Variants in ABCC2 observed in about 807,000 individuals in gnomAD.
ABCC2 encodes the protein ATP-binding cassette sub-family C member 2.
ABCC2 carries 157 observed loss-of-function variants against 173.4 expected under a neutral mutation model. The observed-to-expected ratio is 0.91, with a 90% CI of 0.80 to 1.03. The LOEUF (loss-of-function observed/expected upper bound fraction) is 1.03, where lower values mean the gene tolerates loss of function less well. Ranked by LOEUF, ABCC2 falls within the 50% of genes least tolerant of loss-of-function variation. ABCC2 has a pLI of 0.00. For missense variants in ABCC2, 1,822 were observed against 1,852.3 expected (o/e 0.98, Z 0.30); for synonymous variants, 657 against 693.5 (o/e 0.95, Z 0.83).
At chr10:99,789,829 T>G (rs7899883) in intron 2 of ABCC2, among the ~76,000 whole-genome samples, 87,958 of 151,752 alleles carry the variant, frequency 0.58, 25,783 homozygotes, top group East Asian at 0.77. Context: ...CTAGGTAGAA[T>G]ATCTTAGAGA....
rs991704017 is a variant in ABCC2, at chr10:99,793,941, G to A, written c.518G>A (p.Gly173Glu). ...TCCTGCCTGTTCTTCATCTCCTACGGATTCCAGATCCTGATCCTGATCTTT... is the reference window on the plus strand; with the variant it reads ...TCCTGCCTGTTCTTCATCTCCTACGAATTCCAGATCCTGATCCTGATCTTT... ...AYSCLFFISY[G>E]FQILILIFSA... Residue 173 changes from glycine (G) to glutamate (E), a missense_variant, in exon 5 of 32, where the codon GGA (glycine) becomes GAA (glutamate). Transcript: ENST00000647814. The A allele has an allele frequency of 6.2e-7, 1 of 1,613,858 alleles. No homozygotes were observed. Among genetic ancestry groups the A allele is most frequent in the Non-Finnish European group, 8.5e-7 (1 of 1,179,934 alleles).
At chr10:99,846,616 C>T (rs2039020802) in intron 29 of ABCC2, among the ~76,000 whole-genome samples, 1 of 152,158 alleles carries the variant, frequency 6.6e-6, no homozygotes, top group Non-Finnish European at 1.5e-5. Flanking sequence ...GTGCGTGCCT[C>T]TGGTCCCAGC....
intron 19 of ABCC2, among the ~76,000 whole-genome samples, chr10:99,826,241 A>T: frequency 6.6e-6 from 1 of 152,192 alleles, no homozygotes. Flanking sequence ...CTTGAGCCAT[A>T]AGCATAGCTT....
intron 26 of ABCC2, among the ~76,000 whole-genome samples, chr10:99,842,955 A>C (rs1262458790): frequency 6.6e-6 from 1 of 152,038 alleles, no homozygotes; most frequent in African/African-American, 2.4e-5. Context: ...GGGGAGGCTG[A>C]GGCAGGAGAA....
chr10:99,833,444 T>A (rs933417747), intron 23 of ABCC2, among the ~76,000 whole-genome samples: 11 of 152,152 alleles, frequency 7.2e-5, no homozygotes, highest in Admixed American at 3.3e-4. Flanking sequence ...ATAGTATGTT[T>A]CGTTGGGGAG....
chr10:99,791,507 G>A (rs1040274357), intron 2 of ABCC2, among the ~76,000 whole-genome samples: 2 of 152,192 alleles, frequency 1.3e-5, no homozygotes, highest in African/African-American at 4.8e-5. Flanking sequence ...AAACTTAGCA[G>A]CTAAAAGAGA....
At chr10:99,811,245 T>G (rs1442931771) in intron 14 of ABCC2, among the ~76,000 whole-genome samples, 1 of 151,518 alleles carries the variant, frequency 6.6e-6, no homozygotes, top group Non-Finnish European at 1.5e-5. Flanking sequence ...TCGGAGAATC[T>G]CTTGAGCCCG....
At chr10:99,808,336 A>AAG (rs778049719) in intron 13 of ABCC2, 107 bp downstream of exon 13, 111 of 1,449,412 alleles carry the variant, frequency 7.7e-5, no homozygotes, top group Non-Finnish European at 9.2e-5. Context: ...GTAAACTTTC[A>AAG]AGAGAGAGAT....
At position 99,841,967 on chromosome 10, in the gene ABCC2, G is replaced by T; in HGVS notation, c.3615G>T (p.Arg1205Ser). 1.2e-6 allele frequency: 2 copies of T among 1,614,172 alleles called. No homozygotes were observed. The highest frequency in any genetic ancestry group is 2.2e-5 in the South Asian group (2 of 91,088). The change falls in exon 26 of 32, where the codon AGG (arginine) becomes AGT (serine). Residue 1205 changes from arginine to serine, a missense_variant and splice_region_variant. By Grantham distance (110) the Arg-to-Ser change is moderately radical. Transcript: ENST00000647814. ...ACTCTCTGGTTCTGTTGCCCCACAG[G>T]TGGCTTGCAATTCGCCTGGAGCTGG... ...KCVFSWITSN[R>S]WLAIRLELVG...
chr10:99,820,479 C>A (rs1255652982), intron 19 of ABCC2, among the ~76,000 whole-genome samples: 1 of 152,170 alleles, frequency 6.6e-6, no homozygotes, highest in African/African-American at 2.4e-5. Flanking sequence ...TAAGCCAGGG[C>A]TGGATGTGGT....
intron 19 of ABCC2, among the ~76,000 whole-genome samples, chr10:99,825,400 A>C (rs1194236402): frequency 2.0e-5 from 3 of 152,236 alleles, no homozygotes; most frequent in Admixed American, 6.5e-5. Context: ...CATCTGCTCC[A>C]GTGTCTACCA....
Position 99,834,544 on chromosome 10 carries a change from G to A in ABCC2, c.3414+9G>A, listed in dbSNP as rs1254105361. ...TTTATGTATCTGTTCAGGTAGGTTT[G>A]GAAATGGCTAAGTCATCCTTCCTTC... is the stretch of plus-strand genomic sequence containing the variant. On this transcript the variant is annotated intron_variant, in intron 24 of 31. Transcript: ENST00000647814. 3.1e-6 allele frequency: 5 copies of A among 1,613,772 alleles called. 1 individual carries two copies. The highest frequency in any genetic ancestry group is 2.2e-5 in the East Asian group (1 of 44,884).
intron 2 of ABCC2, among the ~76,000 whole-genome samples, chr10:99,786,439 C>G (rs911273961): frequency 6.6e-6 from 1 of 152,216 alleles, no homozygotes; most frequent in Admixed American, 6.5e-5. Flanking sequence ...GAGGCTTCTT[C>G]TACTTTCTGG....
At chr10:99,810,675 C>T (rs2038194827) in intron 14 of ABCC2, among the ~76,000 whole-genome samples, 1 of 152,188 alleles carries the variant, frequency 6.6e-6, no homozygotes, top group Non-Finnish European at 1.5e-5. Flanking sequence ...AGAGTATACC[C>T]AGAGTATCCA....
chr10:99,819,509 G>A (rs2038492350), intron 19 of ABCC2, among the ~76,000 whole-genome samples: 1 of 152,124 alleles, frequency 6.6e-6, no homozygotes, highest in South Asian at 2.1e-4. Context: ...ACAATCAAAG[G>A]ACACTCTTTA....
chr10:99,799,445 C>A, intron 8 of ABCC2, 75 bp downstream of exon 8: 1 of 1,519,772 alleles, frequency 6.6e-7, no homozygotes. Flanking sequence ...TGTATGCAAG[C>A]AGGAGCTTTT....
chr10:99,804,598 T>C (rs2038068095), intron 10 of ABCC2, among the ~76,000 whole-genome samples: 2 of 152,128 alleles, frequency 1.3e-5, no homozygotes, highest in Middle Eastern at 3.4e-3. Context: ...TGCTTCTCCA[T>C]TATGGCAATC....
At chr10:99,801,340 G>A (rs187792217) in intron 9 of ABCC2, among the ~76,000 whole-genome samples, 3 of 152,040 alleles carry the variant, frequency 2.0e-5, no homozygotes, top group African/African-American at 7.3e-5. Context: ...GGGTTCAAGC[G>A]GTTCTCCTGC....
At chr10:99,814,456 T>C (rs1203915797) in intron 16 of ABCC2, among the ~76,000 whole-genome samples, 4 of 61,638 alleles carry the variant, frequency 6.5e-5, no homozygotes, top group Non-Finnish European at 1.2e-4. Flanking sequence ...TGTGTGTATA[T>C]ACATACACAC....
Sources: allele counts gnomAD v4.1 joint callset (sites outside exome capture counted in the v4.1 genomes callset), GRCh38; gene constraint gnomAD v4.1.1; transcripts MANE v1.5; gene names NCBI Gene and HGNC (gene_info 2026-07-23, HGNC 2026-07-21).